The following TRIM59 variants were observed in gnomAD, a reference collection of about 807,000 sequenced individuals.
TRIM59 encodes the protein tripartite motif-containing protein 59.
In TRIM59, 14 loss-of-function variants were observed where a neutral mutation model predicts 32.2. The ratio of observed to expected loss-of-function variants is 0.43; its 90% CI spans 0.29 to 0.68. The LOEUF is 0.68. TRIM59 is among the 30% of genes least tolerant of loss of function. The pLI is 0.15. For synonymous variants in TRIM59, 163 were observed against 155.1 expected (o/e 1.05, Z -0.38); for missense variants, 471 against 463.3 (o/e 1.02, Z -0.15).
chr3:160,442,721 A>T (rs1719320623), intron 2 of TRIM59, among the ~76,000 whole-genome samples: 1 of 152,232 alleles, frequency 6.6e-6, no homozygotes, highest in African/African-American at 2.4e-5. Flanking sequence ...TGATTTATTG[A>T]TTAAAAACTA....
intron 2 of TRIM59, among the ~76,000 whole-genome samples, chr3:160,444,440 G>A (rs527323332): frequency 6.6e-6 from 1 of 152,252 alleles, no homozygotes; most frequent in Non-Finnish European, 1.5e-5. Flanking sequence ...ATGAAAAAAG[G>A]AAAACTAAAC....
intron 2 of TRIM59, among the ~76,000 whole-genome samples, chr3:160,443,040 G>A (rs1719336244): frequency 6.6e-6 from 1 of 152,078 alleles, no homozygotes. Context: ...GATCACTTGA[G>A]CCCAAGAAGT....
At position 160,442,451 on chromosome 3, in the gene TRIM59, G is replaced by A. The variant is rs528373133; in HGVS notation, c.-3-3265C>T. Among the ~76,000 whole-genome samples, 9 of 151,822 alleles carry A rather than the reference G, an allele frequency of 5.9e-5. No individual in the cohort carries two copies. In the East Asian group the frequency reaches 1.2e-3, roughly 20 times the overall value. On this transcript the variant is annotated intron_variant, in intron 2 of 2. Transcript: ENST00000309784. ...ACAAAAATTAGCCAGGCATGGTGGC[G>A]CACACCTGTAATCCCTATAATCCCA... is the stretch of plus-strand genomic sequence containing the variant.
rs777462680 is a variant in TRIM59 at position 160,437,416 on chromosome 3, G to C, written c.*556C>G. 2.8e-5 allele frequency: 28 copies of C among 985,382 alleles called. No individual in the cohort carries two copies. The highest frequency in any genetic ancestry group is 3.3e-5 in the Non-Finnish European group (27 of 829,920). 61.0% of individuals were successfully genotyped at this position (985,382 alleles called of 1,614,324 possible). On this transcript the variant is annotated 3_prime_UTR_variant, in exon 3 of 3. Coordinates refer to ENST00000309784, the MANE Select transcript of TRIM59 (RefSeq NM_173084.3). The stretch of plus-strand genomic sequence containing the variant: ...TATCCAAAAGCAATAGTTTTATTTG[G>C]AGTGAATGGTGATAAGCATTTAGGG...
At chr3:160,444,659 C>T (rs1235197199) in intron 2 of TRIM59, among the ~76,000 whole-genome samples, 1 of 152,212 alleles carries the variant, frequency 6.6e-6, no homozygotes, top group African/African-American at 2.4e-5. Context: ...GTGGTGAGTT[C>T]TAGGTATAGC....
chr3:160,439,995 A>G (rs1319162867), intron 2 of TRIM59, among the ~76,000 whole-genome samples: 1 of 152,232 alleles, frequency 6.6e-6, no homozygotes, highest in African/African-American at 2.4e-5. Flanking sequence ...GCAAAAGTAT[A>G]TTCTTTAACA....
intron 2 of TRIM59, among the ~76,000 whole-genome samples, chr3:160,445,974 A>G (rs781605237): frequency 2.0e-5 from 3 of 151,830 alleles, no homozygotes; most frequent in Non-Finnish European, 4.4e-5. Flanking sequence ...ACACATGCCT[A>G]ATGTTTTTAT....
intron 2 of TRIM59, among the ~76,000 whole-genome samples, chr3:160,447,145 T>TTA (rs1719580536): frequency 1.5e-5 from 2 of 135,884 alleles, no homozygotes. Flanking sequence ...TTTTACACAA[T>TTA]AAAAAAAAAA....
At chr3:160,448,895 G>A (rs1719673501) in intron 1 of TRIM59, 100 bp from the exon 2 acceptor site, 1 of 582,340 alleles carries the variant, frequency 1.7e-6, no homozygotes, top group African/African-American at 2.0e-5. Context: ...TCTTCACGAT[G>A]CTTCATCGTG....
intron 2 of TRIM59, among the ~76,000 whole-genome samples, chr3:160,439,502 C>T (rs1258044668): frequency 6.6e-6 from 1 of 152,102 alleles, no homozygotes; most frequent in Non-Finnish European, 1.5e-5. Flanking sequence ...TGTCTCCACC[C>T]AAATCTCATC....
chr3:160,439,304 G>T, intron 2 of TRIM59, 118 bp from the exon 3 acceptor site: 3 of 805,368 alleles, frequency 3.7e-6, no homozygotes, highest in Non-Finnish European at 5.3e-6. Flanking sequence ...AAGAGAACAA[G>T]GTATTTTTAA....
At chr3:160,449,635 T>A in intron 1 of TRIM59, 82 bp downstream of exon 1, 1 of 1,289,342 alleles carries the variant, frequency 7.8e-7, no homozygotes. Flanking sequence ...CCCAACACAC[T>A]AGGCACACCA....
Position 160,437,404 on chromosome 3 carries a change from T to C in TRIM59, c.*568A>G, listed in dbSNP as rs185419922. ...TACTCTAACAGTTATCCAAAAGCAA[T>C]AGTTTTATTTGGAGTGAATGGTGAT... On this transcript the variant is annotated 3_prime_UTR_variant, in exon 3 of 3. Coordinates refer to ENST00000309784, the MANE Select transcript of TRIM59 (RefSeq NM_173084.3). 9.2e-5 allele frequency: 91 copies of C among 985,362 alleles called. No individual in the cohort carries two copies. The South Asian group carries it at 3.5e-3, about 38-fold the overall frequency. 61.0% of individuals were successfully genotyped at this position (985,362 alleles called of 1,614,324 possible).
chr3:160,443,638 G>C (rs768426347), intron 2 of TRIM59, among the ~76,000 whole-genome samples: 1 of 152,084 alleles, frequency 6.6e-6, no homozygotes, highest in East Asian at 1.9e-4. Flanking sequence ...AGATCCAAAA[G>C]ACAGATCTTT....
rs745852558 is a variant in TRIM59 at position 160,438,294 on chromosome 3, AT to A, written c.889del (p.Ile297LeufsTer9). On this transcript the variant is annotated frameshift_variant, in exon 3 of 3. Transcript: ENST00000309784. LOFTEE classifies it high-confidence loss of function. ...CATTTTGGGAATGAGAACGTTCTTA[AT>A]TTGTCCAATTTCTGTTCTGCTCCAT... ...EEWSRTEIGQ[I>X]KNVLIPKMKI... The A allele has an allele frequency of 6.2e-6, 10 of 1,613,702 alleles. No homozygotes were observed. The highest frequency in any genetic ancestry group is 8.5e-6 in the Non-Finnish European group (10 of 1,179,948).
chr3:160,445,012 T>C (rs182935537), intron 2 of TRIM59, among the ~76,000 whole-genome samples: 150 of 146,494 alleles, frequency 1.0e-3, no homozygotes, highest in African/African-American at 3.5e-3. Context: ...TCTACAGAGC[T>C]AAAAAAAAAT....
rs967175121 is a variant in TRIM59 at position 160,449,380 on chromosome 3, C to T, written c.-74+337G>A. ...TTCCCCTTCTCAAAGCTCCACTCTC[C>T]CAGGCCTCCCTCCTAACGCGCCTCC... On this transcript the variant is annotated intron_variant, in intron 1 of 2. Transcript: ENST00000309784. 8.7e-6 allele frequency: 6 copies of T among 685,826 alleles called. No individual in the cohort carries two copies. In the African/African-American group the frequency reaches 9.5e-5, roughly 11 times the overall value. The allele number at this position is 685,826 out of a possible 1,614,324, so 42.5% of individuals were successfully genotyped here. A position where few individuals can be genotyped will look rare whatever the true frequency, so the allele number is the denominator to read the frequency against.
At position 160,439,077 on chromosome 3, in the gene TRIM59, T is replaced by C. The variant is rs759549848; in HGVS notation, c.107A>G (p.Asn36Ser). 3 of 1,559,256 alleles carry C rather than the reference T, an allele frequency of 1.9e-6. No homozygotes were observed. Among genetic ancestry groups the C allele is most frequent in the Non-Finnish European group, 2.6e-6 (3 of 1,155,014 alleles). The change falls in exon 3 of 3, where the codon AAC becomes AGC. Residue 36 changes from asparagine to serine, a missense_variant. Asn to Ser is a conservative substitution (Grantham distance 46, BLOSUM62 1). Coordinates refer to ENST00000309784, the MANE Select transcript of TRIM59 (RefSeq NM_173084.3). ...AAAGTTACCAGATGCCTGAAGAATGTTTTCCAAACAATTTCTACAAAATGT... is the reference window on the plus strand; with the variant it reads ...AAAGTTACCAGATGCCTGAAGAATGCTTTCCAAACAATTTCTACAAAATGT... ...SHTFCRNCLE[N>S]ILQASGNFYI...
chr3:160,437,868 G>T lies in TRIM59; in HGVS notation c.*104C>A. 6 of 1,355,324 alleles carry T rather than the reference G, an allele frequency of 4.4e-6. No homozygotes were observed. The highest frequency in any genetic ancestry group is 5.7e-6 in the Non-Finnish European group (6 of 1,051,832). The allele number at this position is 1,355,324 out of a possible 1,614,324, so 84.0% of individuals were successfully genotyped here. A position where few individuals can be genotyped will look rare whatever the true frequency, so the allele number is the denominator to read the frequency against. ...CAAATATAAACATTTGTTTATATTA[G>T]TTGCAGCACTAATAAAGCTTAGTTT... On this transcript the variant is annotated 3_prime_UTR_variant, in exon 3 of 3. Coordinates refer to ENST00000309784, the MANE Select transcript of TRIM59 (RefSeq NM_173084.3).
Sources: allele counts gnomAD v4.1 joint callset (sites outside exome capture counted in the v4.1 genomes callset), GRCh38; gene constraint gnomAD v4.1.1; transcripts MANE v1.5; gene names NCBI Gene and HGNC (gene_info 2026-07-23, HGNC 2026-07-21).